The following DCC variants were observed in gnomAD, a reference collection of about 807,000 sequenced individuals.
The protein encoded by DCC is DCC netrin 1 receptor.
DCC carries 58 observed loss-of-function variants against 172.5 expected under a neutral mutation model. The observed-to-expected ratio is 0.34, with a 90% CI of 0.27 to 0.42. The LOEUF (loss-of-function observed/expected upper bound fraction) is 0.42, where lower values mean the gene tolerates loss of function less well. Ranked by LOEUF, DCC falls within the 10% of genes least tolerant of loss-of-function variation. DCC has a pLI of 1.00. For missense variants in DCC, 1,740 were observed against 1,791.0 expected (o/e 0.97, Z 0.51); for synonymous variants, 709 against 644.5 (o/e 1.10, Z -1.52).
intron 7 of DCC, among the ~76,000 whole-genome samples, chr18:53,099,825 T>A (rs925706044): frequency 6.6e-6 from 1 of 152,162 alleles, no homozygotes; most frequent in South Asian, 2.1e-4. Context: ...TAAATAAGAG[T>A]TGTCAACATT....
At chr18:52,384,096 A>G (rs1985697634) in intron 1 of DCC, among the ~76,000 whole-genome samples, 1 of 152,062 alleles carries the variant, frequency 6.6e-6, no homozygotes, top group South Asian at 2.1e-4. Flanking sequence ...CAATTATCTA[A>G]TTGAGAATAA....
chr18:52,663,734 C>A (rs1179816070), intron 1 of DCC, among the ~76,000 whole-genome samples: 1 of 152,116 alleles, frequency 6.6e-6, no homozygotes, highest in African/African-American at 2.4e-5. Context: ...ACTACATTCT[C>A]GCTTTCCATA....
At chr18:53,039,256 G>A (rs548024369) in intron 5 of DCC, among the ~76,000 whole-genome samples, 1 of 152,114 alleles carries the variant, frequency 6.6e-6, no homozygotes, top group Admixed American at 6.6e-5. Flanking sequence ...AGATTATGCA[G>A]TTCTATGGAG....
intron 12 of DCC, among the ~76,000 whole-genome samples, chr18:53,275,754 T>C (rs1165882821): frequency 6.6e-6 from 1 of 152,134 alleles, no homozygotes; most frequent in Non-Finnish European, 1.5e-5. Flanking sequence ...TTTTGAGAGC[T>C]AATGTGGTAG....
At chr18:52,903,395 C>A (rs976436548) in intron 2 of DCC, among the ~76,000 whole-genome samples, 1 of 151,980 alleles carries the variant, frequency 6.6e-6, no homozygotes, top group African/African-American at 2.4e-5. Flanking sequence ...CTTGTAGCGA[C>A]AGCGTTTCAT....
intron 2 of DCC, among the ~76,000 whole-genome samples, chr18:52,870,215 G>A (rs1447561091): frequency 6.6e-6 from 1 of 152,104 alleles, no homozygotes; most frequent in Admixed American, 6.5e-5. Flanking sequence ...GAGTGGTGAC[G>A]CAGGAACAGA....
chr18:53,388,713 T>A (rs986851687), intron 16 of DCC, among the ~76,000 whole-genome samples: 2 of 152,248 alleles, frequency 1.3e-5, no homozygotes, highest in Non-Finnish European at 2.9e-5. Context: ...CGCTGTTTCA[T>A]TGATTTATTC....
intron 1 of DCC, among the ~76,000 whole-genome samples, chr18:52,751,527 T>C (rs1300499451): frequency 2.6e-5 from 4 of 152,226 alleles, no homozygotes; most frequent in Non-Finnish European, 5.9e-5. Flanking sequence ...GATTTACCTA[T>C]TTTAAAACCC....
At chr18:53,325,241 G>A (rs1350167615) in intron 14 of DCC, among the ~76,000 whole-genome samples, 1 of 150,364 alleles carries the variant, frequency 6.7e-6, no homozygotes. Flanking sequence ...GAGGTCCAGT[G>A]TAGGTGATCA....
At chr18:53,361,752 G>C (rs1038210050) in intron 15 of DCC, among the ~76,000 whole-genome samples, 5 of 152,132 alleles carry the variant, frequency 3.3e-5, no homozygotes, top group African/African-American at 1.2e-4. Context: ...GAAAATAAAT[G>C]TGAATGGAAT....
chr18:52,772,262 T>C (rs750592982), intron 2 of DCC, among the ~76,000 whole-genome samples: 3 of 152,308 alleles, frequency 2.0e-5, no homozygotes, highest in South Asian at 2.1e-4. Context: ...GACTAGACCA[T>C]TGTACCATGA....
At chr18:53,029,538 C>T (rs1218524214) in intron 5 of DCC, among the ~76,000 whole-genome samples, 2 of 152,290 alleles carry the variant, frequency 1.3e-5, no homozygotes, top group African/African-American at 2.4e-5. Flanking sequence ...CTTTACCATA[C>T]TTCATGGAAA....
chr18:52,528,241 G>T (rs1436705964), intron 1 of DCC, among the ~76,000 whole-genome samples: 2 of 152,044 alleles, frequency 1.3e-5, no homozygotes, highest in South Asian at 2.1e-4. Context: ...ATAAATACTT[G>T]TTGCATGAGT....
chr18:53,460,785 G>C (rs1225152161), intron 24 of DCC, among the ~76,000 whole-genome samples: 2 of 152,052 alleles, frequency 1.3e-5, no homozygotes, highest in African/African-American at 4.8e-5. Flanking sequence ...TAGTCCTTTG[G>C]GTATATCCCC....
intron 5 of DCC, among the ~76,000 whole-genome samples, chr18:53,046,735 A>G (rs1182945856): frequency 6.6e-6 from 1 of 151,958 alleles, no homozygotes; most frequent in Non-Finnish European, 1.5e-5. Context: ...TGAAGTCAAG[A>G]AAAGTTCAGT....
chr18:52,832,875 G>A (rs1318842983), intron 2 of DCC, among the ~76,000 whole-genome samples: 1 of 152,014 alleles, frequency 6.6e-6, no homozygotes, highest in East Asian at 1.9e-4. Flanking sequence ...AACTGAATTG[G>A]TCCCCTCAAA....
intron 2 of DCC, among the ~76,000 whole-genome samples, chr18:52,799,638 G>A (rs2037944436): frequency 6.6e-6 from 1 of 152,068 alleles, no homozygotes; most frequent in Admixed American, 6.5e-5. Context: ...GAGCCCATCT[G>A]GCACCCATGA....
intron 1 of DCC, among the ~76,000 whole-genome samples, chr18:52,547,053 A>T (rs1326353742): frequency 6.6e-6 from 1 of 152,124 alleles, no homozygotes; most frequent in Admixed American, 6.6e-5. Flanking sequence ...GCCTTATGAG[A>T]ATCATTTAAT....
intron 9 of DCC, among the ~76,000 whole-genome samples, chr18:53,182,925 G>A (rs889887485): frequency 1.3e-5 from 2 of 152,040 alleles, no homozygotes; most frequent in African/African-American, 4.8e-5. Flanking sequence ...AGAATTTAGT[G>A]GCAAGATCAG....
Sources: gnomAD v4.1 joint callset for allele counts (sites outside exome capture counted in the v4.1 genomes callset) on GRCh38, gnomAD v4.1.1 for gene constraint, MANE v1.5 for transcripts, NCBI Gene and HGNC (gene_info 2026-07-23, HGNC 2026-07-21) for gene names.